PCDHA9: variants seen among roughly 807,000 people sequenced by gnomAD.
The protein encoded by PCDHA9 is protocadherin alpha-9.
A neutral mutation model predicts 62.0 loss-of-function variants in PCDHA9; 62 were observed. That is an observed-to-expected ratio of 1.00 (90% CI 0.81 to 1.23). The LOEUF (loss-of-function observed/expected upper bound fraction) is 1.23. Among genes scored for constraint, PCDHA9 ranks in the 50% most tolerant of loss-of-function variants. PCDHA9 has a pLI of 0.00. For synonymous variants in PCDHA9, 557 were observed against 567.6 expected (o/e 0.98, Z 0.27); for missense variants, 1,205 against 1,249.8 (o/e 0.96, Z 0.54).
At chr5:140,941,195 C>T (rs1337267572) in intron 1 of PCDHA9, among the ~76,000 whole-genome samples, 39 of 106,424 alleles carry the variant, frequency 3.7e-4, no homozygotes, top group Non-Finnish European at 4.9e-4. Context: ...CTTTTTTTTT[C>T]TTTCTTCCTT....
chr5:140,881,279 G>A, intron 1 of PCDHA9: 2 of 760,202 alleles, frequency 2.6e-6, no homozygotes, highest in South Asian at 6.0e-5. Flanking sequence ...GAAGTAAGAT[G>A]GAGAGAGAAA....
At chr5:140,859,459 C>G (rs1379028308) in intron 1 of PCDHA9, 1 of 216,756 alleles carries the variant, frequency 4.6e-6, no homozygotes, top group Non-Finnish European at 8.9e-6. Context: ...AGTGACAAAA[C>G]TACACTATCA....
chr5:140,934,995 T>G (rs1443676222), intron 1 of PCDHA9, among the ~76,000 whole-genome samples: 1 of 152,172 alleles, frequency 6.6e-6, no homozygotes, highest in East Asian at 1.9e-4. Context: ...ACACCCTGAA[T>G]CCTTTTCATG....
Position 140,850,160 on chromosome 5 carries a change from G to A in PCDHA9, c.1665G>A (p.Val555=), listed in dbSNP as rs2150470275. Residue 555 remains valine, a synonymous_variant, in exon 1 of 4, where the codon GTG becomes GTA. Coordinates refer to ENST00000532602, the MANE Select transcript of PCDHA9 (RefSeq NM_031857.2). ...GCAACGTGACGCTGCAGGTGTTCGT[G>A]CTGGACGAGAACGACAATGCGCCGG... ...LGSNVTLQVF[V]LDENDNAPAL... is the part of the protein sequence containing the mutation. 5 of 1,595,068 alleles carry A rather than the reference G, an allele frequency of 3.1e-6. No homozygotes were observed. The Admixed American group carries it at 6.7e-5, about 22-fold the overall frequency.
intron 3 of PCDHA9, among the ~76,000 whole-genome samples, chr5:141,003,395 T>G (rs1217089473): frequency 6.6e-6 from 1 of 152,160 alleles, no homozygotes; most frequent in Non-Finnish European, 1.5e-5. Flanking sequence ...CACTGAAACC[T>G]CCGCCTCCCG....
rs2096720992 is a variant in PCDHA9 at position 140,976,533 on chromosome 5, A to G, written c.2395-2416A>G. 2.0e-5 allele frequency among the ~76,000 whole-genome samples: 3 copies of G among 152,170 alleles called. No homozygotes were observed. In the South Asian group the frequency reaches 6.2e-4, roughly 32 times the overall value. Reference sequence around the variant, plus strand: ...GCCACTGCACACCAGCCTAAATGACAGAGTAAGACCCTATCTCATAAATAA... The same window carrying G: ...GCCACTGCACACCAGCCTAAATGACGGAGTAAGACCCTATCTCATAAATAA... On this transcript the variant is annotated intron_variant, in intron 1 of 3. Coordinates refer to ENST00000532602, the MANE Select transcript of PCDHA9 (RefSeq NM_031857.2).
chr5:140,897,509 G>T (rs2153456975), intron 1 of PCDHA9, among the ~76,000 whole-genome samples: 1 of 152,062 alleles, frequency 6.6e-6, no homozygotes, highest in East Asian at 1.9e-4. Context: ...CCCTACAAAG[G>T]ACATGAACTC....
chr5:140,916,621 C>T (rs1031371866), intron 1 of PCDHA9, among the ~76,000 whole-genome samples: 8 of 152,200 alleles, frequency 5.3e-5, no homozygotes, highest in Non-Finnish European at 1.2e-4. Flanking sequence ...TGACTCTACT[C>T]AATGCCCTAT....
At chr5:140,898,818 A>G (rs2066994592) in intron 1 of PCDHA9, among the ~76,000 whole-genome samples, 1 of 152,216 alleles carries the variant, frequency 6.6e-6, no homozygotes, top group Admixed American at 6.5e-5. Flanking sequence ...CTTCCTACCC[A>G]TGAGCATGGA....
chr5:140,915,634 CT>C (rs782528552), intron 1 of PCDHA9, among the ~76,000 whole-genome samples: 9 of 150,114 alleles, frequency 6.0e-5, no homozygotes, highest in Non-Finnish European at 1.3e-4. Context: ...CTGTCTCTCT[CT>C]CTCTCTCTCT....
At chr5:140,877,269 T>A in intron 1 of PCDHA9, 1 of 1,613,758 alleles carries the variant, frequency 6.2e-7, no homozygotes. Flanking sequence ...CGGTGGACGC[T>A]GACTCCGGCT....
intron 1 of PCDHA9, among the ~76,000 whole-genome samples, chr5:140,952,925 G>T (rs144855694): frequency 8.2e-4 from 125 of 152,200 alleles, no homozygotes; most frequent in African/African-American, 2.8e-3. Flanking sequence ...GGCATGAGCA[G>T]GAGCAGGAGC....
In PCDHA9 at chr5:140,858,087, G is replaced by A. The variant is rs782702941; in HGVS notation, c.2394+7198G>A. On this transcript the variant is annotated intron_variant, in intron 1 of 3. Coordinates refer to ENST00000532602, the MANE Select transcript of PCDHA9 (RefSeq NM_031857.2). Reference sequence around the variant, plus strand: ...AGCCAGGCACCCAAGGCCTCGTCGCGGGCTTCAGTGGGCGTGGCGCCCGAG... The same window carrying A: ...AGCCAGGCACCCAAGGCCTCGTCGCAGGCTTCAGTGGGCGTGGCGCCCGAG... The A allele has an allele frequency of 4.1e-5, 66 of 1,597,710 alleles. 5 individuals carry two copies. Among genetic ancestry groups the A allele is most frequent in the Non-Finnish European group, 5.3e-5 (62 of 1,167,710 alleles).
rs2098416866 is a variant in PCDHA9, at chr5:141,010,297, G to C, written c.*360G>C. 3 of 1,549,050 alleles carry C rather than the reference G, an allele frequency of 1.9e-6. No individual in the cohort carries two copies. The South Asian group carries it at 3.6e-5, about 19-fold the overall frequency. On this transcript the variant is annotated 3_prime_UTR_variant, in exon 4 of 4. Transcript: ENST00000532602. ...TGTCTTGATGACACTTGCAGGGCAGGCTGAAAAGTTTTGAGATTGAGCAGC... is the reference window on the plus strand; with the variant it reads ...TGTCTTGATGACACTTGCAGGGCAGCCTGAAAAGTTTTGAGATTGAGCAGC...
At chr5:140,952,797 C>T (rs782258698) in intron 1 of PCDHA9, among the ~76,000 whole-genome samples, 1 of 152,142 alleles carries the variant, frequency 6.6e-6, no homozygotes. Flanking sequence ...TTAACTGGCT[C>T]GCAGTTCTGC....
At chr5:140,853,588 A>G in intron 1 of PCDHA9, 1 of 986,058 alleles carries the variant, frequency 1.0e-6, no homozygotes, top group Non-Finnish European at 1.2e-6. Context: ...TATCTTAGAC[A>G]CTTTGAGAGC....
In PCDHA9 at chr5:140,849,567, C is replaced by G; in HGVS notation, c.1072C>G (p.Pro358Ala). The G allele has an allele frequency of 1.3e-6, 2 of 1,598,580 alleles. No individual in the cohort carries two copies. The highest frequency in any genetic ancestry group is 1.7e-6 in the Non-Finnish European group (2 of 1,167,950). The part of the protein sequence containing the change: ...PQLTIKTLSV[P>A]VKEDAQLGTV... ...GTTGACTATCAAAACGCTCTCGGTT[C>G]CTGTAAAAGAGGACGCACAACTGGG... Residue 358 changes from proline to alanine, a missense_variant, in exon 1 of 4, where the codon CCT (proline) becomes GCT (alanine). Physicochemically the swap from Pro to Ala is conservative, Grantham distance 27 (BLOSUM62 -1). This residue lies in a region of PCDHA9 where 887 missense variants were observed against 809.5 expected (regional missense o/e 1.10). Transcript: ENST00000532602.
At chr5:140,958,593 A>G (rs1412529643) in intron 1 of PCDHA9, among the ~76,000 whole-genome samples, 2 of 152,214 alleles carry the variant, frequency 1.3e-5, no homozygotes, top group African/African-American at 4.8e-5. Context: ...GCTTATGATA[A>G]TTGGATCAAA....
chr5:140,904,189 C>G (rs1436545458), intron 1 of PCDHA9, among the ~76,000 whole-genome samples: 1 of 151,968 alleles, frequency 6.6e-6, no homozygotes, highest in Non-Finnish European at 1.5e-5. Context: ...CCCCTTCCCA[C>G]CCTTTCCCCC....
Sources: allele counts gnomAD v4.1 joint callset (sites outside exome capture counted in the v4.1 genomes callset), GRCh38; gene constraint gnomAD v4.1.1; regional missense constraint gnomAD v4.1.1; transcripts MANE v1.5; gene names NCBI Gene and HGNC (gene_info 2026-07-23, HGNC 2026-07-21).